The following JARID2 variants were observed in gnomAD, a reference collection of about 807,000 sequenced individuals.
JARID2 encodes jumonji and AT-rich interaction domain containing 2, also known as protein Jumonji.
Under a neutral mutation model 125.6 loss-of-function variants are expected in JARID2, and 21 were observed. That is an observed-to-expected ratio of 0.17 (90% CI 0.12 to 0.24). The LOEUF (loss-of-function observed/expected upper bound fraction) is 0.24. Among genes scored for constraint, JARID2 ranks in the 10% least tolerant of loss-of-function variants. The pLI is 1.00. For synonymous variants in JARID2, 736 were observed against 661.6 expected, an observed-to-expected ratio of 1.11 and a Z score of -1.73; for missense variants, 1,303 against 1,639.6, an observed-to-expected ratio of 0.79 and a Z score of 3.55.
In JARID2 at chr6:15,508,462, C is replaced by T. The variant is rs771094718; in HGVS notation, c.2846+8C>T. The T allele has an allele frequency of 1.7e-5, 25 of 1,446,102 alleles. No individual in the cohort carries two copies. In the South Asian group the frequency reaches 2.5e-4, roughly 15 times the overall value. 89.6% of individuals were successfully genotyped at this position (1,446,102 alleles called of 1,614,324 possible). On this transcript the variant is annotated splice_region_variant and intron_variant, in intron 12 of 17. Coordinates refer to ENST00000341776, the MANE Select transcript of JARID2 (RefSeq NM_004973.4). ...TGGTGCTGACTGCATTTGGTGAGTACTGGCCCCAGGCGGGAAGGGAGGGAC... is the reference window on the plus strand; with the variant it reads ...TGGTGCTGACTGCATTTGGTGAGTATTGGCCCCAGGCGGGAAGGGAGGGAC...
chr6:15,336,741 G>A (rs557655267), intron 1 of JARID2, among the ~76,000 whole-genome samples: 1 of 151,320 alleles, frequency 6.6e-6, no homozygotes, highest in South Asian at 2.1e-4. Flanking sequence ...TAAGAGATGA[G>A]GTCTCACCAT....
chr6:15,499,571 CTG>C (rs905707398), intron 7 of JARID2, among the ~76,000 whole-genome samples: 8 of 152,160 alleles, frequency 5.3e-5, no homozygotes, highest in African/African-American at 1.9e-4. Flanking sequence ...GTGCCTACCT[CTG>C]TAAGTTGAGA....
intron 1 of JARID2, among the ~76,000 whole-genome samples, chr6:15,340,991 A>G (rs1049453074): frequency 1.3e-5 from 2 of 152,198 alleles, no homozygotes; most frequent in Admixed American, 6.5e-5. Flanking sequence ...TACACTTTCT[A>G]TATCCAAGGA....
intron 4 of JARID2, among the ~76,000 whole-genome samples, chr6:15,459,569 C>A (rs946856503): frequency 1.3e-5 from 2 of 152,016 alleles, no homozygotes; most frequent in Non-Finnish European, 2.9e-5. Flanking sequence ...CCATTTTTTC[C>A]AGTGAATTGA....
At chr6:15,282,489 CTATTA>C (rs1760790969) in intron 1 of JARID2, among the ~76,000 whole-genome samples, 1 of 152,024 alleles carries the variant, frequency 6.6e-6, no homozygotes, top group African/African-American at 2.4e-5. Flanking sequence ...CTTTTATCCA[CTATTA>C]TATTGGGTTG....
intron 17 of JARID2, among the ~76,000 whole-genome samples, chr6:15,518,893 G>C (rs1208737972): frequency 6.6e-6 from 1 of 152,162 alleles, no homozygotes; most frequent in Non-Finnish European, 1.5e-5. Context: ...CTGCTGACCC[G>C]GGACAGTCTG....
At chr6:15,447,721 T>A (rs567214709) in intron 3 of JARID2, among the ~76,000 whole-genome samples, 1 of 152,292 alleles carries the variant, frequency 6.6e-6, no homozygotes, top group Admixed American at 6.5e-5. Flanking sequence ...AGGAAATAAA[T>A]GGTGTGGTGG....
chr6:15,447,742 C>T (rs182042426), intron 3 of JARID2, among the ~76,000 whole-genome samples: 3 of 152,282 alleles, frequency 2.0e-5, no homozygotes, highest in Non-Finnish European at 2.9e-5. Flanking sequence ...GCGGGTATGC[C>T]GCCTCCCCTG....
intron 5 of JARID2, among the ~76,000 whole-genome samples, chr6:15,484,576 G>C (rs774675894): frequency 6.6e-6 from 1 of 152,140 alleles, no homozygotes; most frequent in Non-Finnish European, 1.5e-5. Flanking sequence ...CTGAACCCCA[G>C]ACATTGTGGT....
chr6:15,294,049 T>G (rs1761319877), intron 1 of JARID2, among the ~76,000 whole-genome samples: 1 of 152,228 alleles, frequency 6.6e-6, no homozygotes, highest in South Asian at 2.1e-4. Flanking sequence ...TAGTCAGGAC[T>G]TCTACTTCCA....
chr6:15,331,329 C>A (rs1241125970), intron 1 of JARID2, among the ~76,000 whole-genome samples: 4 of 135,020 alleles, frequency 3.0e-5, no homozygotes, highest in Non-Finnish European at 4.9e-5. Context: ...GAGAGAGATC[C>A]TGCCTCAAAA....
At chr6:15,248,005 A>C (rs1039172913) in intron 1 of JARID2, 21 of 985,450 alleles carry the variant, frequency 2.1e-5, no homozygotes, top group Non-Finnish European at 2.3e-5. Context: ...AACTTGGACG[A>C]GAACCGCACC....
At chr6:15,415,437 C>T (rs1253642259) in intron 3 of JARID2, among the ~76,000 whole-genome samples, 5 of 147,608 alleles carry the variant, frequency 3.4e-5, no homozygotes, top group African/African-American at 5.0e-5. Context: ...GCTGGCCGGG[C>T]GGGGGGCTGA....
rs759257891 is a variant in JARID2 at position 15,512,988 on chromosome 6, C to G, written c.3209C>G (p.Ala1070Gly). The change falls in exon 15 of 18, where the codon GCA (alanine) becomes GGA (glycine). Residue 1070 changes from alanine to glycine, a missense_variant. By Grantham distance (60) the Ala-to-Gly change is moderately conservative. This residue lies in a region of JARID2 where 190 missense variants were observed against 341.4 expected (regional missense o/e 0.56). Transcript: ENST00000341776. ...KLLYQIAQAE[A>G]KKENGPTLST... ...CTCTACCAGATTGCACAAGCAGAAGCAAAAAAAGAAAACGGTCCCACTCTC... is the reference window on the plus strand; with the variant it reads ...CTCTACCAGATTGCACAAGCAGAAGGAAAAAAAGAAAACGGTCCCACTCTC... The G allele has an allele frequency of 6.2e-7, 1 of 1,613,634 alleles. No homozygotes were observed. The highest frequency in any genetic ancestry group is 1.1e-5 in the South Asian group (1 of 91,078).
rs375486570 is a variant in JARID2 at position 15,501,724 on chromosome 6, A to G, written c.2448+315A>G. Among the ~76,000 whole-genome samples, 12 of 152,252 alleles carry G rather than the reference A, an allele frequency of 7.9e-5. No homozygotes were observed. The South Asian group carries it at 8.3e-4, about 11-fold the overall frequency. ...GCAGGAGACCCAGTGAGGGAGGGGAAGTCCACTCCACGAAGATACCACGAG... is the reference window on the plus strand; with the variant it reads ...GCAGGAGACCCAGTGAGGGAGGGGAGGTCCACTCCACGAAGATACCACGAG... On this transcript the variant is annotated intron_variant, in intron 8 of 17. Coordinates refer to ENST00000341776, the MANE Select transcript of JARID2 (RefSeq NM_004973.4).
chr6:15,277,698 A>C (rs1760582402), intron 1 of JARID2, among the ~76,000 whole-genome samples: 1 of 151,812 alleles, frequency 6.6e-6, no homozygotes, highest in Admixed American at 6.6e-5. Context: ...AGATTGATTC[A>C]CCTGTTTAAA....
intron 1 of JARID2, chr6:15,324,328 G>GTT (rs1330830893): frequency 6.6e-6 from 1 of 152,026 alleles, no homozygotes; most frequent in Admixed American, 6.5e-5. Flanking sequence ...TCCTCTTGGA[G>GTT]TTTTATAATT....
intron 1 of JARID2, among the ~76,000 whole-genome samples, chr6:15,302,417 G>GAA (rs149565432): frequency 1.4e-5 from 2 of 148,092 alleles, no homozygotes; most frequent in South Asian, 2.1e-4. Context: ...TCTGTCTTGG[G>GAA]AAAAAAAAAA....
chr6:15,469,677 G>A (rs960253335), intron 5 of JARID2, among the ~76,000 whole-genome samples: 15 of 151,820 alleles, frequency 9.9e-5, no homozygotes, highest in African/African-American at 3.4e-4. Flanking sequence ...ACATGAAGCC[G>A]GCATCGATGA....
Sources: allele counts gnomAD v4.1 joint callset (sites outside exome capture counted in the v4.1 genomes callset), GRCh38; gene constraint gnomAD v4.1.1; regional missense constraint gnomAD v4.1.1; transcripts MANE v1.5; gene names NCBI Gene and HGNC (gene_info 2026-07-23, HGNC 2026-07-21).